NREP: variants seen among roughly 807,000 people sequenced by gnomAD.
The protein encoded by NREP is neuronal regeneration related protein, also known as neuronal regeneration-related protein.
A neutral mutation model predicts 8.6 loss-of-function variants in NREP; 5 were observed. The observed-to-expected ratio is 0.58, with a 90% CI of 0.30 to 1.22. The LOEUF (loss-of-function observed/expected upper bound fraction) is 1.22. NREP is among the 50% of genes most tolerant of loss of function. NREP has a pLI of 0.07. For synonymous variants in NREP, 27 were observed against 28.0 expected (o/e 0.96, Z 0.11); for missense variants, 86 against 82.5 (o/e 1.04, Z -0.17).
chr5:111,757,680 G>A, upstream of NREP: 2 of 983,724 alleles, frequency 2.0e-6, no homozygotes, highest in Non-Finnish European at 2.4e-6. Context: ...ACTGCACCGC[G>A]CGGCGCCCCG....
intron 2 of NREP, among the ~76,000 whole-genome samples, chr5:111,810,672 T>C (rs1245090744): frequency 6.6e-6 from 1 of 152,214 alleles, no homozygotes; most frequent in East Asian, 1.9e-4. Context: ...CAGCTTCTTG[T>C]ATCATGTAGT....
At chr5:111,870,112 A>G (rs1041778397) in intron 2 of NREP, among the ~76,000 whole-genome samples, 12 of 152,176 alleles carry the variant, frequency 7.9e-5, no homozygotes, top group Non-Finnish European at 1.5e-4. Flanking sequence ...TGAACAACTA[A>G]GGCTTTTTAG....
intron 2 of NREP, among the ~76,000 whole-genome samples, chr5:111,873,878 C>T (rs1395884639): frequency 6.6e-6 from 1 of 152,150 alleles, no homozygotes; most frequent in Non-Finnish European, 1.5e-5. Context: ...ACTAGTTACT[C>T]CATCAAATCT....
At chr5:111,958,381 C>T (rs1756387224) in intron 2 of NREP, among the ~76,000 whole-genome samples, 1 of 151,558 alleles carries the variant, frequency 6.6e-6, no homozygotes, top group Admixed American at 6.6e-5. Flanking sequence ...AAAGAAGAAA[C>T]AAAATTGTCA....
intron 1 of NREP, chr5:111,756,312 A>AAAAAACCCC: frequency 1.0e-5 from 1 of 99,468 alleles, no homozygotes; most frequent in Non-Finnish European, 1.6e-5. Context: ...AAAAAAAAAA[A>AAAAAACCCC]CCCTACACGG....
chr5:111,855,057 G>A (rs377093568), intron 2 of NREP, among the ~76,000 whole-genome samples: 3 of 152,028 alleles, frequency 2.0e-5, no homozygotes, highest in East Asian at 3.9e-4. Flanking sequence ...TGGTGAATGA[G>A]TGGGTACATT....
At chr5:111,974,729 T>C (rs1388461551) in intron 2 of NREP, among the ~76,000 whole-genome samples, 2 of 152,230 alleles carry the variant, frequency 1.3e-5, no homozygotes, top group African/African-American at 4.8e-5. Flanking sequence ...CTTACTCAGC[T>C]AAAATGAGTT....
chr5:111,744,661 C>T (rs1271541200), intron 2 of NREP, among the ~76,000 whole-genome samples: 7 of 151,942 alleles, frequency 4.6e-5, no homozygotes, highest in African/African-American at 1.2e-4. Context: ...GGATTCAGTC[C>T]GGCAGTACCA....
intron 2 of NREP, among the ~76,000 whole-genome samples, chr5:111,967,281 ATTCT>A (rs754534442): frequency 1.5e-5 from 1 of 67,080 alleles, no homozygotes; most frequent in African/African-American, 5.9e-5. Context: ...TGTCCAACAA[ATTCT>A]TTCTTTATAT....
At chr5:111,883,212 G>T (rs1006803499) in intron 2 of NREP, among the ~76,000 whole-genome samples, 1 of 152,136 alleles carries the variant, frequency 6.6e-6, no homozygotes, top group Non-Finnish European at 1.5e-5. Flanking sequence ...AACCAGCAAA[G>T]ATCAAAAGAG....
At chr5:111,762,666 C>T (rs537038138), upstream of NREP, among the ~76,000 whole-genome samples, 1 of 152,202 alleles carries the variant, frequency 6.6e-6, no homozygotes, top group South Asian at 2.1e-4. Context: ...TGGGAAGAAA[C>T]ACATCTAACA....
intron 2 of NREP, among the ~76,000 whole-genome samples, chr5:111,875,042 T>C (rs1200053606): frequency 1.3e-5 from 2 of 152,154 alleles, no homozygotes; most frequent in African/African-American, 4.8e-5. Context: ...TATCAGAACT[T>C]TTCCAAAGAG....
intron 2 of NREP, among the ~76,000 whole-genome samples, chr5:111,887,077 C>T (rs144822955): frequency 6.6e-6 from 1 of 151,926 alleles, no homozygotes; most frequent in Non-Finnish European, 1.5e-5. Flanking sequence ...GTGCATGCCA[C>T]TATGCCCAGC....
intron 2 of NREP, among the ~76,000 whole-genome samples, chr5:111,790,478 T>C (rs945405079): frequency 6.9e-6 from 1 of 145,586 alleles, no homozygotes; most frequent in African/African-American, 2.5e-5. Context: ...AATGTTTACC[T>C]ACTGGGCACA....
At chr5:111,733,201 C>T (rs1014071722) in intron 3 of NREP, 7 of 152,126 alleles carry the variant, frequency 4.6e-5, no homozygotes, top group Non-Finnish European at 8.8e-5. Context: ...GTACTCTATT[C>T]GATTTCAAGC....
At chr5:111,795,124 T>G (rs1449398192) in intron 2 of NREP, among the ~76,000 whole-genome samples, 1 of 152,232 alleles carries the variant, frequency 6.6e-6, no homozygotes, top group Non-Finnish European at 1.5e-5. Context: ...CGAAGGGACA[T>G]TGATATTCTT....
intron 2 of NREP, among the ~76,000 whole-genome samples, chr5:111,772,309 A>AG (rs1279604980): frequency 1.3e-5 from 2 of 152,168 alleles, no homozygotes; most frequent in Non-Finnish European, 2.9e-5. Context: ...AGAGAATAGA[A>AG]GGTTTTTTGT....
intron 2 of NREP, among the ~76,000 whole-genome samples, chr5:111,911,893 T>TGTGTATATG (rs1754922478): frequency 6.6e-6 from 1 of 152,112 alleles, no homozygotes; most frequent in East Asian, 1.9e-4. Context: ...TTTCAGGTAG[T>TGTGTATATG]GCCCACCACC....
At chr5:111,921,011 C>G (rs946777222) in intron 2 of NREP, among the ~76,000 whole-genome samples, 5 of 152,156 alleles carry the variant, frequency 3.3e-5, no homozygotes, top group African/African-American at 9.6e-5. Flanking sequence ...GCAGCCTGAT[C>G]TCTTAGGTTG....
Sources: allele counts gnomAD v4.1 joint callset (sites outside exome capture counted in the v4.1 genomes callset), GRCh38; gene constraint gnomAD v4.1.1; transcripts MANE v1.5; gene names NCBI Gene and HGNC (gene_info 2026-07-23, HGNC 2026-07-21).